Variants in ERN1 observed in about 807,000 individuals in gnomAD.
ERN1 encodes serine/threonine-protein kinase/endoribonuclease IRE1.
ERN1 carries 39 observed loss-of-function variants against 113.1 expected under a neutral mutation model. The ratio of observed to expected loss-of-function variants is 0.34; its 90% CI spans 0.27 to 0.45. ERN1 has a LOEUF of 0.45. ERN1 is among the 20% of genes least tolerant of loss of function. The pLI is 1.00. For missense variants in ERN1, 976 were observed against 1,274.8 expected (o/e 0.77, Z 3.57); for synonymous variants, 507 against 515.9 (o/e 0.98, Z 0.23).
chr17:64,058,525 A>T (rs1912952395), intron 11 of ERN1, among the ~76,000 whole-genome samples: 1 of 152,328 alleles, frequency 6.6e-6, no homozygotes, highest in East Asian at 1.9e-4. Flanking sequence ...GTAGTCCACT[A>T]TTTCTTCAAA....
chr17:64,065,905 T>C (rs1325068030), intron 8 of ERN1, among the ~76,000 whole-genome samples: 1 of 152,218 alleles, frequency 6.6e-6, no homozygotes, highest in African/African-American at 2.4e-5. Context: ...CTGGCCCTTC[T>C]GCTTACTGTC....
rs1306728230 is a variant in ERN1 at position 64,044,562 on chromosome 17, C to A, written c.2721+298G>T. On this transcript the variant is annotated intron_variant, in intron 21 of 21. Transcript: ENST00000433197. This position sits in a 1 kb window ranked among gnomAD's most constrained non-coding sequence, Gnocchi z 4.1. ...TGAGGTATGTTTATACATGTTTACACACAGTGGCTGCATCAGACAGGGAGA... is the reference window on the plus strand; with the variant it reads ...TGAGGTATGTTTATACATGTTTACAAACAGTGGCTGCATCAGACAGGGAGA... 6.6e-6 allele frequency among the ~76,000 whole-genome samples: 1 copy of A among 152,216 alleles called. No homozygotes were observed. The highest frequency in any genetic ancestry group is 1.5e-5 in the Non-Finnish European group (1 of 68,038).
At chr17:64,098,086 A>C (rs1468658586) in intron 2 of ERN1, 35 bp downstream of exon 2, 1 of 1,611,254 alleles carries the variant, frequency 6.2e-7, no homozygotes, top group Admixed American at 1.7e-5. Context: ...AGTTAAGCAA[A>C]TGTCCATGTC....
intron 1 of ERN1, chr17:64,102,596 T>C: frequency 1.1e-6 from 1 of 904,898 alleles, no homozygotes; most frequent in Non-Finnish European, 1.3e-6. Context: ...TCAAATGTAG[T>C]TGCTATAGCT....
intron 5 of ERN1, among the ~76,000 whole-genome samples, chr17:64,073,006 T>A: frequency 5.6e-5 from 2 of 35,568 alleles, no homozygotes; most frequent in South Asian, 6.2e-3. Flanking sequence ...CCTTTGAAAT[T>A]TTTTTTTTTT....
chr17:64,117,411 CCA>C (rs1020734295), intron 1 of ERN1, among the ~76,000 whole-genome samples: 3 of 151,648 alleles, frequency 2.0e-5, no homozygotes, highest in African/African-American at 7.3e-5. Flanking sequence ...CCACTGCACT[CCA>C]GTGTGGGCGA....
intron 1 of ERN1, among the ~76,000 whole-genome samples, chr17:64,107,458 A>T (rs1232363794): frequency 6.6e-6 from 1 of 151,900 alleles, no homozygotes; most frequent in Non-Finnish European, 1.5e-5. Flanking sequence ...AGTAGCTGCG[A>T]CTACAAGCAT....
intron 4 of ERN1, among the ~76,000 whole-genome samples, chr17:64,075,708 G>A (rs117432493): frequency 0.022 from 3,277 of 152,336 alleles, 56 homozygotes; most frequent in Non-Finnish European, 0.034. Context: ...TGTCCAGGGT[G>A]CTTCCCAGGG....
At chr17:64,048,034 A>C in intron 18 of ERN1, 49 bp from the exon 19 acceptor site, 5 of 1,533,204 alleles carry the variant, frequency 3.3e-6, no homozygotes, top group Non-Finnish European at 4.4e-6. Flanking sequence ...CCAAAGCCAC[A>C]GTGAAATACC....
chr17:64,089,749 G>T (rs1467794620), intron 2 of ERN1, among the ~76,000 whole-genome samples: 1 of 152,134 alleles, frequency 6.6e-6, no homozygotes, highest in African/African-American at 2.4e-5. Context: ...CAGCAAAACT[G>T]AGCCCTGTCT....
At chr17:64,129,934 C>T in intron 1 of ERN1, 42 bp downstream of exon 1, 2 of 1,389,948 alleles carry the variant, frequency 1.4e-6, no homozygotes, top group Non-Finnish European at 1.9e-6. Context: ...CCGACCCGGC[C>T]GTCGCGAGCT....
intron 5 of ERN1, among the ~76,000 whole-genome samples, chr17:64,073,516 G>C (rs1356429073): frequency 6.7e-6 from 1 of 148,778 alleles, no homozygotes; most frequent in East Asian, 2.0e-4. Flanking sequence ...TTTTGAGACG[G>C]AGTCTCGCTC....
At chr17:64,086,991 T>C (rs974152319) in intron 2 of ERN1, among the ~76,000 whole-genome samples, 19 of 152,304 alleles carry the variant, frequency 1.2e-4, no homozygotes, top group Admixed American at 3.3e-4. Flanking sequence ...TGTTTACCTC[T>C]GACAAAAAAT....
At chr17:64,106,764 A>ACACACC (rs1555618810) in intron 1 of ERN1, among the ~76,000 whole-genome samples, 2 of 115,100 alleles carry the variant, frequency 1.7e-5, no homozygotes. Context: ...ACACACACAC[A>ACACACC]AGCTCGCTGT....
chr17:64,108,147 C>T (rs929822216), intron 1 of ERN1, among the ~76,000 whole-genome samples: 18 of 151,818 alleles, frequency 1.2e-4, no homozygotes, highest in Admixed American at 6.6e-5. Flanking sequence ...AACCACCACC[C>T]AAGACAGTTA....
At chr17:64,099,900 A>T (rs536324162) in intron 1 of ERN1, among the ~76,000 whole-genome samples, 13 of 152,168 alleles carry the variant, frequency 8.5e-5, no homozygotes, top group Non-Finnish European at 1.5e-4. Context: ...ACTCCCTGGA[A>T]TGGGAGAAAG....
chr17:64,068,877 C>G (rs746697281), intron 6 of ERN1, among the ~76,000 whole-genome samples: 1 of 152,114 alleles, frequency 6.6e-6, no homozygotes, highest in Non-Finnish European at 1.5e-5. Flanking sequence ...AGGGATCCAA[C>G]TAAGGAGATT....
chr17:64,050,296 G>A (rs904312343), intron 17 of ERN1, among the ~76,000 whole-genome samples: 2 of 151,996 alleles, frequency 1.3e-5, no homozygotes, highest in Admixed American at 6.6e-5. Flanking sequence ...GGTCTTTCAC[G>A]CCCCCCACAC....
At chr17:64,104,648 G>T (rs1246386215) in intron 1 of ERN1, among the ~76,000 whole-genome samples, 1 of 151,988 alleles carries the variant, frequency 6.6e-6, no homozygotes, top group Non-Finnish European at 1.5e-5. Flanking sequence ...GTGAAACCCT[G>T]TCTCTACTAA....
Sources: allele counts gnomAD v4.1 joint callset (sites outside exome capture counted in the v4.1 genomes callset), GRCh38; gene constraint gnomAD v4.1.1; non-coding constraint Gnocchi (gnomAD v3.1); transcripts MANE v1.5; gene names NCBI Gene and HGNC (gene_info 2026-07-23, HGNC 2026-07-21).